The following SPOCK1 variants were observed in gnomAD, a reference collection of about 807,000 sequenced individuals.
SPOCK1 encodes the protein SPARC (osteonectin), cwcv and kazal like domains proteoglycan 1.
In SPOCK1, 23 loss-of-function variants were observed where a neutral mutation model predicts 55.3. The observed-to-expected ratio is 0.42, with a 90% CI of 0.30 to 0.59. SPOCK1 has a LOEUF of 0.59. SPOCK1 is among the 20% of genes least tolerant of loss of function. The probability of loss-of-function intolerance (pLI) is 0.22; values close to 1 mark genes in which losing one functional copy is unlikely to be tolerated. For synonymous variants in SPOCK1, 226 were observed against 221.0 expected (o/e 1.02, Z -0.20); for missense variants, 499 against 552.5 (o/e 0.90, Z 0.97).
At chr5:137,176,284 G>C (rs1054757501) in intron 3 of SPOCK1, among the ~76,000 whole-genome samples, 1 of 152,128 alleles carries the variant, frequency 6.6e-6, no homozygotes, top group African/African-American at 2.4e-5. Flanking sequence ...TTGCCATCAA[G>C]GTCATCTTGA....
At chr5:137,217,398 C>A (rs998040913) in intron 3 of SPOCK1, among the ~76,000 whole-genome samples, 2 of 152,190 alleles carry the variant, frequency 1.3e-5, no homozygotes, top group African/African-American at 4.8e-5. Context: ...ACAGGCCCCA[C>A]TTTGCCTTGC....
intron 2 of SPOCK1, among the ~76,000 whole-genome samples, chr5:137,448,635 A>G (rs1017891731): frequency 2.8e-4 from 42 of 152,260 alleles, no homozygotes; most frequent in Non-Finnish European, 5.1e-4. Context: ...TTAACTTTAC[A>G]GTAAAATTTC....
Position 137,470,227 on chromosome 5 carries a change from T to A in SPOCK1, c.186+28146A>T, listed in dbSNP as rs142574142. Among the ~76,000 whole-genome samples the A allele has an allele frequency of 7.2e-4, 110 of 152,342 alleles. 1 individual carries two copies. Among genetic ancestry groups the A allele is most frequent in the East Asian group, 4.2e-3 (22 of 5,178 alleles). ...TGAGTGCATCCTCAGCTAAACAATA[T>A]GTTCCACAAGAGCAGTGTCTGTGTC... On this transcript the variant is annotated intron_variant, in intron 2 of 10. Coordinates refer to ENST00000394945, the MANE Select transcript of SPOCK1 (RefSeq NM_004598.4).
At chr5:137,488,893 T>C (rs922099667) in intron 2 of SPOCK1, among the ~76,000 whole-genome samples, 4 of 152,182 alleles carry the variant, frequency 2.6e-5, no homozygotes, top group African/African-American at 7.2e-5. Flanking sequence ...TTACAAATCC[T>C]TGTATAATAT....
intron 5 of SPOCK1, among the ~76,000 whole-genome samples, chr5:137,080,839 A>T (rs1379917899): frequency 1.3e-5 from 2 of 152,234 alleles, no homozygotes; most frequent in East Asian, 3.8e-4. Context: ...AGCCACCAGA[A>T]GGCACGGGTG....
intron 2 of SPOCK1, among the ~76,000 whole-genome samples, chr5:137,285,212 G>C (rs6871620): frequency 0.012 from 1,821 of 152,292 alleles, 39 homozygotes; most frequent in African/African-American, 0.041. Flanking sequence ...GTCATTGCTT[G>C]TCTTCCTGCT....
intron 5 of SPOCK1, among the ~76,000 whole-genome samples, chr5:137,101,126 A>G (rs1198127401): frequency 6.6e-6 from 1 of 152,228 alleles, no homozygotes; most frequent in Admixed American, 6.5e-5. Context: ...TACTCATTAG[A>G]GCAGAATGTC....
intron 6 of SPOCK1, among the ~76,000 whole-genome samples, chr5:137,066,134 A>G (rs1355318300): frequency 6.6e-6 from 1 of 151,972 alleles, no homozygotes; most frequent in African/African-American, 2.4e-5. Context: ...AGTGGCAATG[A>G]CTTTATTTTA....
intron 6 of SPOCK1, among the ~76,000 whole-genome samples, chr5:137,013,224 T>G (rs1751386686): frequency 7.4e-6 from 1 of 134,698 alleles, no homozygotes; most frequent in African/African-American, 2.6e-5. Flanking sequence ...TTTTAGGTTT[T>G]GTTTTGTTTT....
chr5:137,041,412 T>C (rs1751995876), intron 6 of SPOCK1, among the ~76,000 whole-genome samples: 1 of 152,184 alleles, frequency 6.6e-6, no homozygotes, highest in Non-Finnish European at 1.5e-5. Flanking sequence ...TATGTGATCT[T>C]GAGTTTGGTG....
At chr5:137,013,003 C>A in intron 6 of SPOCK1, among the ~76,000 whole-genome samples, 1 of 151,982 alleles carries the variant, frequency 6.6e-6, no homozygotes, top group East Asian at 1.9e-4. Flanking sequence ...TGATTTGACC[C>A]CACTTTTGTA....
chr5:137,376,695 T>G (rs1751325987), intron 2 of SPOCK1, among the ~76,000 whole-genome samples: 1 of 152,194 alleles, frequency 6.6e-6, no homozygotes, highest in Non-Finnish European at 1.5e-5. Context: ...ACTTATCTTA[T>G]TTTCAGGCTC....
intron 6 of SPOCK1, among the ~76,000 whole-genome samples, chr5:137,065,281 G>A (rs930233795): frequency 9.3e-5 from 14 of 150,382 alleles, no homozygotes; most frequent in African/African-American, 3.4e-4. Context: ...TACCCTAATA[G>A]GTGATTATTT....
At chr5:137,085,921 C>T (rs1277913467) in intron 5 of SPOCK1, among the ~76,000 whole-genome samples, 1 of 152,188 alleles carries the variant, frequency 6.6e-6, no homozygotes, top group Non-Finnish European at 1.5e-5. Context: ...ATGGGCTCTG[C>T]AGTGACAGAG....
At chr5:137,388,232 G>A (rs922242855) in intron 2 of SPOCK1, among the ~76,000 whole-genome samples, 1 of 152,186 alleles carries the variant, frequency 6.6e-6, no homozygotes, top group African/African-American at 2.4e-5. Context: ...GAGTGGATGA[G>A]AGTTTCATCT....
chr5:137,176,501 AAT>A (rs1754853860), intron 3 of SPOCK1, among the ~76,000 whole-genome samples: 1 of 53,962 alleles, frequency 1.9e-5, no homozygotes, highest in Non-Finnish European at 3.8e-5. Context: ...CCCCCACCAC[AAT>A]GTGTGTGTGT....
At chr5:137,033,306 A>G (rs538201626) in intron 6 of SPOCK1, among the ~76,000 whole-genome samples, 2 of 152,336 alleles carry the variant, frequency 1.3e-5, no homozygotes, top group Admixed American at 1.3e-4. Flanking sequence ...ACTCCACAGG[A>G]GAGGACAATG....
rs772384873 is a variant in SPOCK1 at position 137,067,847 on chromosome 5, A to G, written c.475-18T>C. ...AATTTGCACTGCAAAAGAGAGACAC[A>G]ACAGGTCTTAAGAATGCAGCCATAA... On this transcript the variant is annotated intron_variant, in intron 5 of 10. Coordinates refer to ENST00000394945, the MANE Select transcript of SPOCK1 (RefSeq NM_004598.4). 27 of 1,602,746 alleles carry G rather than the reference A, an allele frequency of 1.7e-5. 1 individual carries two copies. In the South Asian group the frequency reaches 3.0e-4, roughly 18 times the overall value.
At chr5:137,301,140 A>G (rs1757580958) in intron 2 of SPOCK1, among the ~76,000 whole-genome samples, 1 of 152,156 alleles carries the variant, frequency 6.6e-6, no homozygotes, top group Non-Finnish European at 1.5e-5. Context: ...GAATTCTTTT[A>G]CAGCCTTGGA....
Sources: gnomAD v4.1 joint callset for allele counts (sites outside exome capture counted in the v4.1 genomes callset) on GRCh38, gnomAD v4.1.1 for gene constraint, MANE v1.5 for transcripts, NCBI Gene and HGNC (gene_info 2026-07-23, HGNC 2026-07-21) for gene names.